Variants in TTC27 observed in about 807,000 individuals in gnomAD.
TTC27 encodes the protein tetratricopeptide repeat domain 27, also known as tetratricopeptide repeat protein 27.
A neutral mutation model predicts 115.9 loss-of-function variants in TTC27; 79 were observed. That is an observed-to-expected ratio of 0.68 (90% CI 0.57 to 0.82). The LOEUF (loss-of-function observed/expected upper bound fraction) is 0.82, where lower values mean the gene tolerates loss of function less well. TTC27 is among the 40% of genes least tolerant of loss of function. The pLI is 0.00. For missense variants in TTC27, 1,054 were observed against 993.1 expected (o/e 1.06, Z -0.82); for synonymous variants, 401 against 356.0 (o/e 1.13, Z -1.42).
At chr2:32,771,442 T>C (rs1338874600) in intron 13 of TTC27, among the ~76,000 whole-genome samples, 1 of 152,214 alleles carries the variant, frequency 6.6e-6, no homozygotes, top group Non-Finnish European at 1.5e-5. Flanking sequence ...TTGTGAATTA[T>C]TTGAAAAGAC....
intron 15 of TTC27, among the ~76,000 whole-genome samples, chr2:32,784,835 G>A (rs1418587676): frequency 6.6e-6 from 1 of 152,176 alleles, no homozygotes; most frequent in African/African-American, 2.4e-5. Flanking sequence ...GAGCTGGGGA[G>A]TCTTGGTCCA....
chr2:32,776,346 G>C (rs1033014981), intron 13 of TTC27, among the ~76,000 whole-genome samples: 2 of 152,166 alleles, frequency 1.3e-5, no homozygotes, highest in African/African-American at 2.4e-5. Context: ...AATGGCTGAA[G>C]GAGGAGTGAT....
At chr2:32,717,910 A>G (rs948455495) in intron 10 of TTC27, among the ~76,000 whole-genome samples, 4 of 152,150 alleles carry the variant, frequency 2.6e-5, no homozygotes, top group African/African-American at 9.7e-5. Context: ...GCGCTACCAT[A>G]TATTATACCT....
chr2:32,731,277 C>T (rs755142472), intron 10 of TTC27, among the ~76,000 whole-genome samples: 6 of 151,804 alleles, frequency 4.0e-5, no homozygotes, highest in South Asian at 2.1e-4. Flanking sequence ...TTAGTAGACA[C>T]GGGGTTTCAC....
intron 8 of TTC27, among the ~76,000 whole-genome samples, chr2:32,673,862 G>T (rs897073248): frequency 6.6e-6 from 1 of 151,964 alleles, no homozygotes; most frequent in Non-Finnish European, 1.5e-5. Context: ...GGGTGTGGTG[G>T]CAGGCGCCTG....
intron 9 of TTC27, 30 bp downstream of exon 9, chr2:32,678,952 A>T (rs766203791): frequency 1.3e-6 from 2 of 1,591,064 alleles, no homozygotes; most frequent in Admixed American, 1.7e-5. Context: ...CTTCCATTTC[A>T]TTTTTTTCCT....
chr2:32,666,879 T>G (rs1665798708), intron 7 of TTC27, 111 bp downstream of exon 7: 1 of 1,290,812 alleles, frequency 7.7e-7, no homozygotes, highest in Non-Finnish European at 1.0e-6. Context: ...CATTTTATTC[T>G]TTCTTTTGCC....
At chr2:32,762,761 C>G (rs904472806) in intron 13 of TTC27, among the ~76,000 whole-genome samples, 1 of 152,142 alleles carries the variant, frequency 6.6e-6, no homozygotes, top group Non-Finnish European at 1.5e-5. Flanking sequence ...CCTGCCTCAG[C>G]CTTCCAAGTA....
chr2:32,712,188 G>A (rs1040385134), intron 10 of TTC27, among the ~76,000 whole-genome samples: 2 of 152,106 alleles, frequency 1.3e-5, no homozygotes, highest in Non-Finnish European at 1.5e-5. Flanking sequence ...TAAGTGAGAC[G>A]TGCCAAACTT....
chr2:32,695,580 G>A (rs753246019), intron 9 of TTC27, among the ~76,000 whole-genome samples: 5 of 151,954 alleles, frequency 3.3e-5, no homozygotes, highest in Non-Finnish European at 5.9e-5. Flanking sequence ...GTAGCCATGC[G>A]TGGTGGTGCG....
intron 7 of TTC27, among the ~76,000 whole-genome samples, chr2:32,671,961 T>TTG (rs1666030503): frequency 6.6e-6 from 1 of 152,210 alleles, no homozygotes; most frequent in Non-Finnish European, 1.5e-5. Flanking sequence ...TCTATGATTG[T>TTG]TGTGAGGAAG....
At chr2:32,776,267 G>C (rs1669994110) in intron 13 of TTC27, among the ~76,000 whole-genome samples, 1 of 152,094 alleles carries the variant, frequency 6.6e-6, no homozygotes, top group Non-Finnish European at 1.5e-5. Flanking sequence ...TCTAATTACT[G>C]GCTAAAAATC....
rs1034046571 is a variant in TTC27 at position 32,795,483 on chromosome 2, C to A, written c.1998+8334C>A. ...CATAATAAAAGCCAGGTATGAAAAA[C>A]CCACAGCAAACATCATACTTAATGG... On this transcript the variant is annotated intron_variant, in intron 16 of 19. Coordinates refer to ENST00000317907, the MANE Select transcript of TTC27 (RefSeq NM_017735.5). 2.0e-5 allele frequency among the ~76,000 whole-genome samples: 3 copies of A among 151,864 alleles called. No homozygotes were observed. In the South Asian group the frequency reaches 6.2e-4, roughly 31 times the overall value.
At position 32,787,136 on chromosome 2, in the gene TTC27, A is replaced by G. The variant is rs1291279630; in HGVS notation, c.1985A>G (p.Tyr662Cys). Residue 662 changes from tyrosine to cysteine, a missense_variant, in exon 16 of 20, where the codon TAC (tyrosine) becomes TGC (cysteine). Tyr to Cys is a radical substitution (Grantham distance 194). Transcript: ENST00000317907. ...YHRLLDLRDK[Y>C]KDVQVLKILV... Reference sequence around the variant, plus strand: ...CGGCTCTTGGACTTACGTGACAAATACAAAGATGTTCAGGTAGGATATTCC... The same window carrying G: ...CGGCTCTTGGACTTACGTGACAAATGCAAAGATGTTCAGGTAGGATATTCC... The G allele has an allele frequency of 6.2e-7, 1 of 1,612,096 alleles. No homozygotes were observed. The highest frequency in any genetic ancestry group is 8.5e-7 in the Non-Finnish European group (1 of 1,179,552).
intron 13 of TTC27, among the ~76,000 whole-genome samples, chr2:32,762,424 A>G (rs1669472361): frequency 6.6e-6 from 1 of 151,932 alleles, no homozygotes; most frequent in Non-Finnish European, 1.5e-5. Flanking sequence ...CAGGCTGTGA[A>G]ACGTCTTCAA....
chr2:32,683,547 A>G (rs958601648), intron 9 of TTC27, among the ~76,000 whole-genome samples: 6 of 152,190 alleles, frequency 3.9e-5, no homozygotes, highest in Admixed American at 6.5e-5. Flanking sequence ...AAAATGTTTT[A>G]ATTTAGCAAA....
rs780532298 is a variant in TTC27 at position 32,650,260 on chromosome 2, G to A, written c.640+27G>A. ...TATGTAGCAGATTTTTGTTTGATATGGGCATGTAGCTCAGTTCTAATTACT... is the reference window on the plus strand; with the variant it reads ...TATGTAGCAGATTTTTGTTTGATATAGGCATGTAGCTCAGTTCTAATTACT... On this transcript the variant is annotated intron_variant, in intron 5 of 19. Transcript: ENST00000317907. 8 of 1,570,650 alleles carry A rather than the reference G, an allele frequency of 5.1e-6. No homozygotes were observed. The South Asian group carries it at 8.9e-5, about 18-fold the overall frequency.
intron 14 of TTC27, among the ~76,000 whole-genome samples, chr2:32,779,185 C>T (rs1485026260): frequency 6.6e-6 from 1 of 151,886 alleles, no homozygotes; most frequent in East Asian, 1.9e-4. Context: ...ATTGCGCCAC[C>T]TTACTCCAGC....
At chr2:32,797,189 A>G (rs1670732147) in intron 16 of TTC27, among the ~76,000 whole-genome samples, 1 of 151,250 alleles carries the variant, frequency 6.6e-6, no homozygotes, top group East Asian at 1.9e-4. Flanking sequence ...AAAAAAAAAA[A>G]AAGAGACAGT....
Sources: gnomAD v4.1 joint callset for allele counts (sites outside exome capture counted in the v4.1 genomes callset) on GRCh38, gnomAD v4.1.1 for gene constraint, MANE v1.5 for transcripts, NCBI Gene and HGNC (gene_info 2026-07-23, HGNC 2026-07-21) for gene names.